MAOB: variants seen among roughly 807,000 people sequenced by gnomAD.
The protein encoded by MAOB is monoamine oxidase B, also known as amine oxidase [flavin-containing] B.
MAOB carries 15 observed loss-of-function variants against 41.9 expected under a neutral mutation model. The observed-to-expected ratio is 0.36, with a 90% CI of 0.24 to 0.55. The LOEUF is 0.55. Among genes scored for constraint, MAOB ranks in the 20% least tolerant of loss-of-function variants. The pLI, the probability that MAOB is intolerant of heterozygous loss-of-function variation, is 0.86. For synonymous variants in MAOB, 167 were observed against 144.2 expected, an observed-to-expected ratio of 1.16 and a Z score of -1.13; for missense variants, 345 against 398.7, an observed-to-expected ratio of 0.87 and a Z score of 1.15.
In MAOB at chrX:43,769,354, C is replaced by T; in HGVS notation, c.1300G>A (p.Gly434Ser). The T allele has an allele frequency of 1.7e-6, 2 of 1,209,900 alleles. No homozygotes were observed. The highest frequency in any genetic ancestry group is 1.1e-6 in the Non-Finnish European group (1 of 894,993). The change falls in exon 13 of 15, where the codon GGC becomes AGC. Residue 434 changes from glycine to serine, a missense_variant. Coordinates refer to ENST00000378069, the MANE Select transcript of MAOB (RefSeq NM_000898.5). ...AGTETATHWS[G>S]YMEGAVEAGE... The stretch of plus-strand genomic sequence containing the variant: ...GCCTCTACAGCCCCCTCCATGTAGC[C>T]GCTCCAGTGTGTGGCAGTCTCGGTG...
intron 1 of MAOB, among the ~76,000 whole-genome samples, chrX:43,873,096 A>G (rs1482476358): frequency 8.9e-6 from 1 of 112,159 alleles, no homozygotes. Flanking sequence ...TTAATTCTTA[A>G]CTTTATCCTT....
chrX:43,830,352 A>G (rs1474948769), intron 3 of MAOB, among the ~76,000 whole-genome samples: 1 of 111,493 alleles, frequency 9.0e-6, no homozygotes, highest in East Asian at 2.8e-4. Context: ...CCAGTTAGGG[A>G]CCCAGAGGAA....
intron 10 of MAOB, among the ~76,000 whole-genome samples, chrX:43,779,239 G>A (rs1199839776): frequency 1.8e-5 from 2 of 111,899 alleles, no homozygotes; most frequent in Non-Finnish European, 3.8e-5. Context: ...AATTCATAAA[G>A]GTGGACATTT....
intron 3 of MAOB, among the ~76,000 whole-genome samples, chrX:43,811,494 G>T (rs755225170): frequency 4.6e-4 from 51 of 111,492 alleles, no homozygotes; most frequent in Admixed American, 8.6e-4. Flanking sequence ...AACAAGGGTT[G>T]TTCTTGGGCC....
chrX:43,805,222 A>G (rs1009094563), intron 3 of MAOB, among the ~76,000 whole-genome samples: 2 of 111,605 alleles, frequency 1.8e-5, no homozygotes, highest in African/African-American at 6.5e-5. Flanking sequence ...CATTGTTTTT[A>G]ACTATAGTTA....
rs1362515293 is a variant in MAOB at position 43,767,206 on chromosome X, A to T, written c.*260T>A. The T allele has an allele frequency of 3.1e-6, 1 of 318,020 alleles. No individual in the cohort carries two copies. The highest frequency in any genetic ancestry group is 5.4e-6 in the Non-Finnish European group (1 of 183,491). The allele number at this position is 318,020 out of a possible 1,213,427, so 26.2% of individuals were successfully genotyped here. Reference sequence around the variant, plus strand: ...GGCAGCAAGAACCTTAAACAAGCCAATTTAACTATTCTAAAGATTTTGAGG... The same window carrying T: ...GGCAGCAAGAACCTTAAACAAGCCATTTTAACTATTCTAAAGATTTTGAGG... On this transcript the variant is annotated 3_prime_UTR_variant, in exon 15 of 15. Coordinates refer to ENST00000378069, the MANE Select transcript of MAOB (RefSeq NM_000898.5).
chrX:43,783,385 T>C (rs2034361049), intron 8 of MAOB, among the ~76,000 whole-genome samples: 1 of 111,787 alleles, frequency 8.9e-6, no homozygotes, highest in African/African-American at 3.3e-5. Flanking sequence ...AGTGTCTTCC[T>C]CAGTTCCCTC....
chrX:43,768,334 G>T (rs1329610182), intron 14 of MAOB, among the ~76,000 whole-genome samples: 1 of 111,788 alleles, frequency 8.9e-6, no homozygotes, highest in African/African-American at 3.3e-5. Flanking sequence ...CTCATGTGGA[G>T]AATCACCAGG....
intron 1 of MAOB, among the ~76,000 whole-genome samples, chrX:43,854,472 T>C (rs2035275619): frequency 9.0e-6 from 1 of 110,498 alleles, no homozygotes; most frequent in African/African-American, 3.3e-5. Context: ...TGAGAACACA[T>C]GGACACAGGG....
chrX:43,879,691 G>A (rs1478701940), intron 1 of MAOB, among the ~76,000 whole-genome samples: 1 of 111,122 alleles, frequency 9.0e-6, no homozygotes, highest in Non-Finnish European at 1.9e-5. Context: ...TTTGATGCAT[G>A]GCACTCTGAA....
intron 14 of MAOB, among the ~76,000 whole-genome samples, chrX:43,768,145 G>C (rs73472035): frequency 2.7e-5 from 3 of 112,084 alleles, no homozygotes; most frequent in Non-Finnish European, 5.6e-5. Context: ...GTCCTCTAAA[G>C]TGCGTTTGCA....
At chrX:43,767,756 T>C (rs2034130030) in intron 14 of MAOB, 138 bp from the exon 15 acceptor site, 1 of 506,083 alleles carries the variant, frequency 2.0e-6, no homozygotes. Flanking sequence ...CCTCTGCTTA[T>C]ACTGTTTACC....
intron 1 of MAOB, among the ~76,000 whole-genome samples, chrX:43,857,793 G>A (rs946494425): frequency 2.7e-5 from 3 of 111,843 alleles, no homozygotes; most frequent in African/African-American, 9.8e-5. Context: ...GTTAGGACTT[G>A]GAAACCCAAA....
intron 8 of MAOB, among the ~76,000 whole-genome samples, chrX:43,787,028 TAAAG>T (rs1048260252): frequency 6.3e-5 from 6 of 94,954 alleles, no homozygotes; most frequent in African/African-American, 2.4e-4. Flanking sequence ...TCCAAACACT[TAAAG>T]AAGTTCTTAA....
intron 1 of MAOB, among the ~76,000 whole-genome samples, chrX:43,868,746 A>C (rs2035381189): frequency 9.0e-6 from 1 of 111,483 alleles, no homozygotes; most frequent in Non-Finnish European, 1.9e-5. Context: ...ACTTTGTCCA[A>C]AGGTAAAGCT....
At chrX:43,788,642 G>A (rs910829965) in intron 8 of MAOB, among the ~76,000 whole-genome samples, 10 of 111,432 alleles carry the variant, frequency 9.0e-5, no homozygotes, top group African/African-American at 3.3e-4. Flanking sequence ...ATGAGATACT[G>A]TTTATTCAGT....
intron 1 of MAOB, among the ~76,000 whole-genome samples, chrX:43,868,282 C>T (rs1311426492): frequency 8.9e-6 from 1 of 112,073 alleles, no homozygotes; most frequent in African/African-American, 3.2e-5. Context: ...AAGTGCACAC[C>T]CCAAATGATT....
intron 1 of MAOB, among the ~76,000 whole-genome samples, chrX:43,857,108 TATATATATAGAGAG>T (rs1263864599): frequency 4.2e-5 from 1 of 24,068 alleles, no homozygotes; most frequent in Non-Finnish European, 6.7e-5. Flanking sequence ...TATATATATA[TATATATATAGAGAG>T]AGAGAGAGAG....
chrX:43,776,010 A>T (rs893344270), intron 11 of MAOB, among the ~76,000 whole-genome samples: 1 of 112,420 alleles, frequency 8.9e-6, no homozygotes, highest in East Asian at 2.8e-4. Context: ...CTGACTTTGG[A>T]CAGTCATTTG....
Sources: allele counts gnomAD v4.1 joint callset (sites outside exome capture counted in the v4.1 genomes callset), GRCh38; gene constraint gnomAD v4.1.1; transcripts MANE v1.5; gene names NCBI Gene and HGNC (gene_info 2026-07-23, HGNC 2026-07-21).